CCDC88C: variants seen among roughly 807,000 people sequenced by gnomAD.
CCDC88C encodes coiled-coil and HOOK domain protein 88C.
In CCDC88C, 131 loss-of-function variants were observed where a neutral mutation model predicts 198.8. That is an observed-to-expected ratio of 0.66 (90% CI 0.57 to 0.76). CCDC88C has a LOEUF of 0.76. CCDC88C is among the 30% of genes least tolerant of loss of function. The probability of loss-of-function intolerance (pLI) is 0.00; values close to 1 mark genes in which losing one functional copy is unlikely to be tolerated. For missense variants in CCDC88C, 2,553 were observed against 2,631.6 expected (o/e 0.97, Z 0.65); for synonymous variants, 1,166 against 1,114.7 (o/e 1.05, Z -0.92).
chr14:91,304,690 T>C (rs537245812), intron 19 of CCDC88C, among the ~76,000 whole-genome samples: 2 of 152,296 alleles, frequency 1.3e-5, no homozygotes, highest in South Asian at 2.1e-4. Flanking sequence ...CTTAACATAA[T>C]TGATATTTGT....
At chr14:91,307,298 G>A in intron 17 of CCDC88C, 72 bp from the exon 18 acceptor site, 1 of 1,349,114 alleles carries the variant, frequency 7.4e-7, no homozygotes, top group Admixed American at 1.7e-5. Context: ...GTGAGTGGCT[G>A]AGGGCAACCT....
intron 13 of CCDC88C, among the ~76,000 whole-genome samples, chr14:91,317,343 T>C (rs1025938988): frequency 6.6e-6 from 1 of 152,222 alleles, no homozygotes; most frequent in African/African-American, 2.4e-5. Context: ...CCTGTGGGAC[T>C]CAGCAGGGCC....
intron 21 of CCDC88C, among the ~76,000 whole-genome samples, chr14:91,299,640 A>T (rs1488899357): frequency 6.6e-6 from 1 of 152,236 alleles, no homozygotes; most frequent in Non-Finnish European, 1.5e-5. Context: ...GGCTTATGCC[A>T]GATGATGAAT....
At position 91,273,205 on chromosome 14, in the gene CCDC88C, C is replaced by T. The variant is rs771355988; in HGVS notation, c.5507G>A (p.Gly1836Glu). Residue 1836 changes from glycine to glutamate, a missense_variant, in exon 30 of 30, where the codon GGG becomes GAG. Gly to Glu is a moderately conservative substitution (Grantham distance 98). Coordinates refer to ENST00000389857, the MANE Select transcript of CCDC88C (RefSeq NM_001080414.4). This position sits in a 1 kb window ranked among gnomAD's most constrained non-coding sequence, Gnocchi z 5.6. ...GGTGTGGCTGCCTGTCTCTCTGCCC[C>T]CTAAGGCCTCAGGAGCCCCCAGCTT... ...PQKLGAPEAL[G>E]GRETGSHTLQ... 1 of 1,570,166 alleles carries T rather than the reference C, an allele frequency of 6.4e-7. No homozygotes were observed. Among genetic ancestry groups the T allele is most frequent in the African/African-American group, 1.3e-5 (1 of 74,112 alleles).
At chr14:91,281,310 T>TG in intron 27 of CCDC88C, 147 bp downstream of exon 27, 1 of 1,529,252 alleles carries the variant, frequency 6.5e-7, no homozygotes, top group Non-Finnish European at 8.8e-7. Context: ...CTCAGCCCCC[T>TG]GGGGAGGGGA....
At chr14:91,405,701 A>C (rs923307653) in intron 3 of CCDC88C, among the ~76,000 whole-genome samples, 1 of 152,136 alleles carries the variant, frequency 6.6e-6, no homozygotes, top group Non-Finnish European at 1.5e-5. Flanking sequence ...TTCTCTTGCT[A>C]CTTGTCTGTT....
Position 91,283,490 on chromosome 14 carries a change from C to T in CCDC88C, c.4469G>A (p.Gly1490Asp). 1.2e-6 allele frequency: 2 copies of T among 1,611,886 alleles called. No individual in the cohort carries two copies. Among genetic ancestry groups the T allele is most frequent in the Non-Finnish European group, 1.7e-6 (2 of 1,179,100 alleles). ...KGPGDLKPKR[G>D]SPHRGSLDRT... ...GTCAAGGCTGCCTCTGTGTGGGGAG[C>T]CTCGCTTTGGTTTTAGATCCCCAGG... The change falls in exon 26 of 30, where the codon GGC becomes GAC. Residue 1490 changes from glycine to aspartate, a missense_variant. Around this residue, in one of 2 missense-constraint regions of CCDC88C, gnomAD observed 1,293 missense variants for 1,219.6 expected, o/e 1.06. Transcript: ENST00000389857.
rs752194630 is a variant in CCDC88C at position 91,339,994 on chromosome 14, G to T, written c.514C>A (p.Leu172Met). The change falls in exon 7 of 30, where the codon CTG becomes ATG. Residue 172 changes from leucine (L) to methionine (M), a missense_variant. By Grantham distance (15) the Leu-to-Met change is conservative. Coordinates refer to ENST00000389857, the MANE Select transcript of CCDC88C (RefSeq NM_001080414.4). This position sits in a 1 kb window ranked among gnomAD's most constrained non-coding sequence, Gnocchi z 5.8. ...VTHNQENVFDLQWLELPDVAP... is the reference protein window; with the variant it reads ...VTHNQENVFDMQWLELPDVAP... ...ACGTCGGGCAGCTCCAGCCACTGCA[G>T]GTCAAACACGTTCTCTTGGTTGTGA... The T allele has an allele frequency of 6.2e-7, 1 of 1,608,518 alleles. No homozygotes were observed. The highest frequency in any genetic ancestry group is 8.5e-7 in the Non-Finnish European group (1 of 1,178,058).
chr14:91,327,734 C>T (rs909477788), intron 10 of CCDC88C, among the ~76,000 whole-genome samples: 2 of 152,182 alleles, frequency 1.3e-5, no homozygotes, highest in Non-Finnish European at 2.9e-5. Flanking sequence ...GAAGGCCCAG[C>T]CTTTTCTCTC....
chr14:91,330,266 C>T (rs1309198018), intron 10 of CCDC88C, among the ~76,000 whole-genome samples: 2 of 152,226 alleles, frequency 1.3e-5, no homozygotes, highest in Admixed American at 6.5e-5. Context: ...AGTTCAGCGC[C>T]CCACCCCTGA....
At position 91,371,660 on chromosome 14, in the gene CCDC88C, T is replaced by C. The variant is rs1174557824; in HGVS notation, c.271-11949A>G. ...CTGTCCTGGGCACACCCTCCCTAGC[T>C]CAGCAGAAGCAAGGCCTTCCTCGTC... On this transcript the variant is annotated intron_variant, in intron 3 of 29. Coordinates refer to ENST00000389857, the MANE Select transcript of CCDC88C (RefSeq NM_001080414.4). The surrounding 1 kb of genome is among the most constrained non-coding windows in gnomAD (Gnocchi z 4.2). Among the ~76,000 whole-genome samples the C allele has an allele frequency of 1.3e-5, 2 of 152,082 alleles. No individual in the cohort carries two copies.
chr14:91,345,190 A>ATATATATATATATATT (rs1246878587), intron 4 of CCDC88C, among the ~76,000 whole-genome samples: 25 of 52,196 alleles, frequency 4.8e-4, no homozygotes, highest in African/African-American at 1.8e-3. Context: ...ATATATATAT[A>ATATATATATATATATT]TTTTTTTTTT....
At chr14:91,373,923 C>T (rs6575189) in intron 3 of CCDC88C, among the ~76,000 whole-genome samples, 48,315 of 152,104 alleles carry the variant, frequency 0.32, 7,884 homozygotes, top group Admixed American at 0.4. Flanking sequence ...ACCCCTCCGC[C>T]GGCAATGATC....
At chr14:91,372,603 G>T (rs1252026415) in intron 3 of CCDC88C, among the ~76,000 whole-genome samples, 1 of 148,398 alleles carries the variant, frequency 6.7e-6, no homozygotes, top group Non-Finnish European at 1.5e-5. Context: ...GGAAGACACA[G>T]AAGGTGCCCC....
intron 10 of CCDC88C, among the ~76,000 whole-genome samples, chr14:91,327,034 C>T (rs185968445): frequency 2.0e-5 from 3 of 152,340 alleles, no homozygotes; most frequent in South Asian, 2.1e-4. Context: ...TCCTTTGCTA[C>T]GGGCTTTCTT....
rs1203308774 is a variant in CCDC88C at position 91,371,084 on chromosome 14, C to T, written c.271-11373G>A. The stretch of plus-strand genomic sequence containing the variant: ...GCAGGACCCTTTCCCCACAGGACAG[C>T]ACCTGCAGCAGTTCTGGGCTGCCCT... On this transcript the variant is annotated intron_variant, in intron 3 of 29. Coordinates refer to ENST00000389857, the MANE Select transcript of CCDC88C (RefSeq NM_001080414.4). The surrounding 1 kb of genome is among the most constrained non-coding windows in gnomAD (Gnocchi z 4.2). 6.6e-6 allele frequency among the ~76,000 whole-genome samples: 1 copy of T among 152,170 alleles called. No homozygotes were observed. Among genetic ancestry groups the T allele is most frequent in the Non-Finnish European group, 1.5e-5 (1 of 68,028 alleles).
rs368039759 is a variant in CCDC88C at position 91,359,803 on chromosome 14, C to A, written c.271-92G>T. 9.5e-5 allele frequency: 109 copies of A among 1,143,180 alleles called. 1 individual carries two copies. Among genetic ancestry groups the A allele is most frequent in the Non-Finnish European group, 1.2e-4 (92 of 775,258 alleles). The allele number at this position is 1,143,180 out of a possible 1,614,324, so 70.8% of individuals were successfully genotyped here. ...AATTACAAGTAATGAAGCCCCCGGA[C>A]GGGTGCACAGCCATCCCGTGGTGAC... On this transcript the variant is annotated intron_variant, in intron 3 of 29. Transcript: ENST00000389857.
In CCDC88C at chr14:91,314,001, C is replaced by G. The variant is rs747638687; in HGVS notation, c.1815G>C (p.Lys605Asn). 1 of 1,613,932 alleles carries G rather than the reference C, an allele frequency of 6.2e-7. No homozygotes were observed. The highest frequency in any genetic ancestry group is 1.7e-5 in the Admixed American group (1 of 60,020). Residue 605 changes from lysine (K) to asparagine (N), a missense_variant, in exon 15 of 30, where the codon AAG (lysine) becomes AAC (asparagine). Lys to Asn is a moderately conservative substitution (Grantham distance 94). Around this residue, in one of 2 missense-constraint regions of CCDC88C, gnomAD observed 1,260 missense variants for 1,412.0 expected, o/e 0.89. Coordinates refer to ENST00000389857, the MANE Select transcript of CCDC88C (RefSeq NM_001080414.4). ...LHQTVTEANG[K>N]LSQLEFEKRQ... Reference sequence around the variant, plus strand: ...GCTTCTCAAACTCCAACTGGCTGAGCTTGCCATTGGCCTCCGTCACCGTCT... The same window carrying G: ...GCTTCTCAAACTCCAACTGGCTGAGGTTGCCATTGGCCTCCGTCACCGTCT...
chr14:91,323,615 A>C (rs1472591229), intron 12 of CCDC88C, among the ~76,000 whole-genome samples: 1 of 152,210 alleles, frequency 6.6e-6, no homozygotes, highest in African/African-American at 2.4e-5. Flanking sequence ...AACACTAAGA[A>C]TAAATCACGG....
Sources: gnomAD v4.1 joint callset for allele counts (sites outside exome capture counted in the v4.1 genomes callset) on GRCh38, gnomAD v4.1.1 for gene constraint, gnomAD v4.1.1 regional missense constraint, Gnocchi (gnomAD v3.1) non-coding constraint, MANE v1.5 for transcripts, NCBI Gene and HGNC (gene_info 2026-07-23, HGNC 2026-07-21) for gene names.